Variants in STON2 observed in about 807,000 individuals in gnomAD.
STON2 encodes the protein stonin-2.
In STON2, 29 loss-of-function variants were observed where a neutral mutation model predicts 65.7. That is an observed-to-expected ratio of 0.44 (90% CI 0.33 to 0.60). The LOEUF (loss-of-function observed/expected upper bound fraction) is 0.60, where lower values mean the gene tolerates loss of function less well. Ranked by LOEUF, STON2 falls within the 20% of genes least tolerant of loss-of-function variation. The probability of loss-of-function intolerance (pLI) is 0.03; values close to 1 mark genes in which losing one functional copy is unlikely to be tolerated. For synonymous variants in STON2, 404 were observed against 414.2 expected (o/e 0.98, Z 0.30); for missense variants, 1,054 against 1,118.1 (o/e 0.94, Z 0.82).
At chr14:81,393,054 G>A (rs931187017) in intron 3 of STON2, among the ~76,000 whole-genome samples, 3 of 152,168 alleles carry the variant, frequency 2.0e-5, no homozygotes, top group Non-Finnish European at 4.4e-5. Context: ...ACTGTGAATT[G>A]CTGCCTTAAA....
chr14:81,262,653 G>A lies in STON2; in HGVS notation c.*5761C>T. ...CAGGCACTACCAAACTCATTACTGT[G>A]GATAGTTTCTGCCTTTACAGGCTTA... On this transcript the variant is annotated 3_prime_UTR_variant, in exon 8 of 8. Transcript: ENST00000614646. 1 of 985,156 alleles carries A rather than the reference G, an allele frequency of 1.0e-6. No individual in the cohort carries two copies. The highest frequency in any genetic ancestry group is 1.2e-6 in the Non-Finnish European group (1 of 829,854). The allele number at this position is 985,156 out of a possible 1,614,324, so 61.0% of individuals were successfully genotyped here.
chr14:81,289,937 A>C (rs1400824078), intron 5 of STON2, among the ~76,000 whole-genome samples: 1 of 152,202 alleles, frequency 6.6e-6, no homozygotes, highest in Admixed American at 6.5e-5. Context: ...CTATGCCTTA[A>C]AGAGAATGTC....
intron 3 of STON2, among the ~76,000 whole-genome samples, chr14:81,387,947 T>C (rs923694633): frequency 1.8e-4 from 25 of 137,818 alleles, no homozygotes; most frequent in African/African-American, 7.1e-4. Flanking sequence ...TTTATTTCTT[T>C]TCTTTTTTTT....
intron 3 of STON2, 60 bp from the exon 4 acceptor site, chr14:81,371,245 T>G: frequency 6.7e-7 from 1 of 1,491,638 alleles, no homozygotes; most frequent in Non-Finnish European, 9.3e-7. Flanking sequence ...TGTTTATCTT[T>G]AGTGCTTATC....
intron 1 of STON2, among the ~76,000 whole-genome samples, chr14:81,431,446 T>C (rs555696186): frequency 6.6e-6 from 1 of 152,260 alleles, no homozygotes; most frequent in South Asian, 2.1e-4. Context: ...GAGACCAGCC[T>C]GGCCAACATA....
intron 2 of STON2, among the ~76,000 whole-genome samples, chr14:81,424,785 T>G (rs1428780129): frequency 6.6e-6 from 1 of 152,350 alleles, no homozygotes; most frequent in African/African-American, 2.4e-5. Flanking sequence ...TGTATGCCTA[T>G]TCTCCTTACT....
intron 3 of STON2, among the ~76,000 whole-genome samples, chr14:81,392,393 CCT>C (rs1252003814): frequency 2.6e-5 from 4 of 152,034 alleles, no homozygotes; most frequent in Non-Finnish European, 5.9e-5. Flanking sequence ...CCCTGTTTCC[CCT>C]CTTTTTTCCT....
At chr14:81,350,149 T>C (rs1396105088) in intron 4 of STON2, among the ~76,000 whole-genome samples, 2 of 152,064 alleles carry the variant, frequency 1.3e-5, no homozygotes, top group African/African-American at 4.8e-5. Context: ...TTTGGTAAGA[T>C]GACTATAGTT....
intron 5 of STON2, among the ~76,000 whole-genome samples, chr14:81,285,426 A>T (rs1895294650): frequency 6.6e-6 from 1 of 152,226 alleles, no homozygotes. Context: ...GAGAACAAGA[A>T]GTGAAACCTG....
intron 5 of STON2, 185 bp from the exon 6 acceptor site, chr14:81,278,924 G>A (rs977709867): frequency 4.0e-5 from 18 of 452,628 alleles, no homozygotes; most frequent in African/African-American, 2.6e-4. Flanking sequence ...GAGCACCCCA[G>A]AGGAGCTATC....
At chr14:81,312,942 G>C (rs983017082) in intron 5 of STON2, among the ~76,000 whole-genome samples, 3 of 152,168 alleles carry the variant, frequency 2.0e-5, no homozygotes, top group Non-Finnish European at 4.4e-5. Context: ...GTAAGGCTCG[G>C]CAGTCAAAAA....
intron 2 of STON2, among the ~76,000 whole-genome samples, chr14:81,397,270 CAG>C (rs954526051): frequency 3.6e-4 from 55 of 152,132 alleles, no homozygotes; most frequent in African/African-American, 1.1e-3. Context: ...GCACGTCAAA[CAG>C]AAATAAAATG....
At chr14:81,364,499 C>T (rs1202878694) in intron 4 of STON2, among the ~76,000 whole-genome samples, 1 of 152,142 alleles carries the variant, frequency 6.6e-6, no homozygotes, top group Admixed American at 6.5e-5. Flanking sequence ...ATGGCATGTA[C>T]TTCCAAGTCA....
chr14:81,370,062 C>T (rs1001086392), intron 4 of STON2, among the ~76,000 whole-genome samples: 8 of 152,188 alleles, frequency 5.3e-5, no homozygotes, highest in Non-Finnish European at 7.3e-5. Flanking sequence ...AAATACCAAA[C>T]CAAATCCTGC....
intron 4 of STON2, among the ~76,000 whole-genome samples, chr14:81,364,150 G>C (rs961777953): frequency 4.6e-5 from 7 of 152,106 alleles, no homozygotes; most frequent in Admixed American, 2.0e-4. Context: ...ACTTGTTTCT[G>C]AGAAAAAGAA....
chr14:81,274,842 T>C (rs1316017132), intron 6 of STON2, among the ~76,000 whole-genome samples: 1 of 152,004 alleles, frequency 6.6e-6, no homozygotes, highest in African/African-American at 2.4e-5. Flanking sequence ...GAGGTGGAAG[T>C]TGCAGTGAGC....
chr14:81,406,820 T>C (rs903210001), intron 2 of STON2, among the ~76,000 whole-genome samples: 18 of 152,296 alleles, frequency 1.2e-4, no homozygotes, highest in African/African-American at 4.1e-4. Context: ...ACCTGTGCAC[T>C]CTAAACTGGC....
intron 4 of STON2, among the ~76,000 whole-genome samples, chr14:81,341,733 C>T (rs1477696056): frequency 1.3e-5 from 2 of 152,112 alleles, no homozygotes; most frequent in African/African-American, 4.8e-5. Flanking sequence ...AAAAGTTCTG[C>T]CAATACTATA....
At chr14:81,365,691 G>C (rs1446778386) in intron 4 of STON2, among the ~76,000 whole-genome samples, 1 of 152,160 alleles carries the variant, frequency 6.6e-6, no homozygotes, top group South Asian at 2.1e-4. Context: ...GGAAGGTGGA[G>C]GTTGCAGTGA....
Sources: allele counts gnomAD v4.1 joint callset (sites outside exome capture counted in the v4.1 genomes callset), GRCh38; gene constraint gnomAD v4.1.1; transcripts MANE v1.5; gene names NCBI Gene and HGNC (gene_info 2026-07-23, HGNC 2026-07-21).